SH3BGRL2: variants seen among roughly 807,000 people sequenced by gnomAD.
SH3BGRL2 encodes the protein SH3 domain binding glutamate rich protein like 2.
SH3BGRL2 carries 21 observed loss-of-function variants against 14.8 expected under a neutral mutation model. That is an observed-to-expected ratio of 1.42 (90% confidence interval 1.01 to 2.05). SH3BGRL2 has a LOEUF of 2.05. Among genes scored for constraint, SH3BGRL2 ranks in the 30% most tolerant of loss-of-function variants. The pLI is 0.00. For synonymous variants in SH3BGRL2, 50 were observed against 47.8 expected, an observed-to-expected ratio of 1.05 and a Z score of -0.19; for missense variants, 147 against 130.8, an observed-to-expected ratio of 1.12 and a Z score of -0.61.
chr6:79,673,494 GA>G (rs1769815757), intron 1 of SH3BGRL2, 119 bp from the exon 2 acceptor site: 1 of 953,424 alleles, frequency 1.0e-6, no homozygotes, highest in Non-Finnish European at 1.6e-6. Context: ...GACAGTGCAT[GA>G]CACCTACATA....
At chr6:79,665,721 T>C (rs1319604409) in intron 1 of SH3BGRL2, among the ~76,000 whole-genome samples, 2 of 152,364 alleles carry the variant, frequency 1.3e-5, no homozygotes, top group East Asian at 1.9e-4. Context: ...GATACATAGA[T>C]GGAAAACCAC....
At chr6:79,660,285 A>G (rs565166716) in intron 1 of SH3BGRL2, among the ~76,000 whole-genome samples, 1 of 152,296 alleles carries the variant, frequency 6.6e-6, no homozygotes, top group Non-Finnish European at 1.5e-5. Flanking sequence ...TTTGTCATAA[A>G]TAGCTCTTAT....
the SH3BGRL2 span, among the ~76,000 whole-genome samples, chr6:79,599,379 T>C: frequency 6.6e-6 from 1 of 151,742 alleles, no homozygotes; most frequent in African/African-American, 2.4e-5. Context: ...GATCTTTTTT[T>C]TTTTTTTTTG....
intron 1 of SH3BGRL2, among the ~76,000 whole-genome samples, chr6:79,651,066 A>G (rs866483252): frequency 1.3e-5 from 2 of 152,098 alleles, no homozygotes; most frequent in Non-Finnish European, 2.9e-5. Context: ...TTTTCACACA[A>G]TTGAGGACTG....
chr6:79,693,793 A>G (rs1468110257), intron 2 of SH3BGRL2, among the ~76,000 whole-genome samples: 1 of 152,178 alleles, frequency 6.6e-6, no homozygotes, highest in Non-Finnish European at 1.5e-5. Context: ...GTCTGTCTTC[A>G]CTTTGAGAGA....
chr6:79,684,976 A>G (rs1313733090), intron 2 of SH3BGRL2, among the ~76,000 whole-genome samples: 1 of 152,184 alleles, frequency 6.6e-6, no homozygotes, highest in Non-Finnish European at 1.5e-5. Context: ...ATTCTCCTTT[A>G]TGGTTGATTG....
In SH3BGRL2 at chr6:79,696,567, T is replaced by C; in HGVS notation, c.312+2T>C. On this transcript the variant is annotated splice_donor_variant, in intron 3 of 3. Coordinates refer to ENST00000369838, the MANE Select transcript of SH3BGRL2 (RefSeq NM_031469.4). LOFTEE classifies it high-confidence loss of function. The stretch of plus-strand genomic sequence containing the variant: ...CTGAAACCACGGTTGGCATCAAAGG[T>C]AGGTAAATCTTTTCTTATTCTTGTT... 1 of 1,551,454 alleles carries C rather than the reference T, an allele frequency of 6.4e-7. No homozygotes were observed. Among genetic ancestry groups the C allele is most frequent in the Non-Finnish European group, 8.6e-7 (1 of 1,156,306 alleles).
At chr6:79,681,455 T>C (rs1769986406) in intron 2 of SH3BGRL2, among the ~76,000 whole-genome samples, 1 of 152,178 alleles carries the variant, frequency 6.6e-6, no homozygotes, top group Non-Finnish European at 1.5e-5. Context: ...CATTCCCCCA[T>C]ATTGCCTTGG....
rs548274765 is a variant in SH3BGRL2, at chr6:79,656,643, AAAC to A, written c.46-16968_46-16966del. 2.5e-3 allele frequency among the ~76,000 whole-genome samples: 388 copies of A among 152,332 alleles called. 1 individual carries two copies. The highest frequency in any genetic ancestry group is 8.1e-3 in the African/African-American group (336 of 41,564). Reference sequence around the variant, plus strand: ...AACAATAAAAAAATAAAAATTTAAAAAACAATAAAGGGTAACCACTATTTACAT... The same window carrying A: ...AACAATAAAAAAATAAAAATTTAAAAAATAAAGGGTAACCACTATTTACAT... On this transcript the variant is annotated intron_variant, in intron 1 of 3. Coordinates refer to ENST00000369838, the MANE Select transcript of SH3BGRL2 (RefSeq NM_031469.4).
chr6:79,680,103 A>G (rs1769960669), intron 2 of SH3BGRL2, among the ~76,000 whole-genome samples: 1 of 151,978 alleles, frequency 6.6e-6, no homozygotes, highest in African/African-American at 2.4e-5. Context: ...CTGTTTGTCT[A>G]TTTTTGCTCT....
At chr6:79,561,282 A>G in the SH3BGRL2 span, 1 of 152,108 alleles carries the variant, frequency 6.6e-6, no homozygotes, top group Non-Finnish European at 1.5e-5. Flanking sequence ...TATTTTAATA[A>G]TATCTCAAAT....
the SH3BGRL2 span, among the ~76,000 whole-genome samples, chr6:79,553,790 G>A: frequency 6.6e-6 from 1 of 152,124 alleles, no homozygotes; most frequent in East Asian, 1.9e-4. Context: ...TGGCCAACAT[G>A]GTGAAACCCC....
At chr6:79,591,316 T>C in the SH3BGRL2 span, among the ~76,000 whole-genome samples, 1 of 152,234 alleles carries the variant, frequency 6.6e-6, no homozygotes, top group African/African-American at 2.4e-5. Context: ...CGTGGGGCTA[T>C]TGATCTAATC....
chr6:79,595,059 G>A, the SH3BGRL2 span, among the ~76,000 whole-genome samples: 2 of 152,184 alleles, frequency 1.3e-5, no homozygotes, highest in African/African-American at 2.4e-5. Context: ...GCTGAAGCGG[G>A]TAGATCACCT....
chr6:79,581,998 A>G, the SH3BGRL2 span, among the ~76,000 whole-genome samples: 1 of 150,060 alleles, frequency 6.7e-6, no homozygotes, highest in African/African-American at 2.5e-5. Context: ...TTAACAGACA[A>G]ACAGAGAGCC....
the SH3BGRL2 span, among the ~76,000 whole-genome samples, chr6:79,590,067 C>G: frequency 4.6e-5 from 7 of 152,050 alleles, no homozygotes; most frequent in Non-Finnish European, 8.8e-5. Context: ...GCCACCTTGT[C>G]AGGCTGAATA....
At chr6:79,678,675 A>G (rs1769931093) in intron 2 of SH3BGRL2, among the ~76,000 whole-genome samples, 3 of 152,286 alleles carry the variant, frequency 2.0e-5, no homozygotes, top group Admixed American at 2.0e-4. Context: ...TTTATTTTAG[A>G]TACAGGGAGT....
At chr6:79,637,613 A>C (rs1768951346) in intron 1 of SH3BGRL2, among the ~76,000 whole-genome samples, 2 of 152,076 alleles carry the variant, frequency 1.3e-5, no homozygotes, top group African/African-American at 4.8e-5. Flanking sequence ...GAATCACTTG[A>C]ACCCAGGAAG....
intron 2 of SH3BGRL2, among the ~76,000 whole-genome samples, chr6:79,682,295 T>TTTTA (rs1026813737): frequency 5.9e-5 from 9 of 152,114 alleles, no homozygotes; most frequent in African/African-American, 9.7e-5. Context: ...TCTTTTTAAT[T>TTTTA]TTTATTTATT....
Sources: allele counts gnomAD v4.1 joint callset (sites outside exome capture counted in the v4.1 genomes callset), GRCh38; gene constraint gnomAD v4.1.1; transcripts MANE v1.5; gene names NCBI Gene and HGNC (gene_info 2026-07-23, HGNC 2026-07-21).